Variants in C2orf49 observed in about 807,000 individuals in gnomAD.
The protein encoded by C2orf49 is tRNA-splicing ligase complex subunit ASW.
A neutral mutation model predicts 20.6 loss-of-function variants in C2orf49; 11 were observed. The observed-to-expected ratio is 0.53, with a 90% CI of 0.34 to 0.88. The LOEUF (loss-of-function observed/expected upper bound fraction) is 0.88. C2orf49 is among the 40% of genes least tolerant of loss of function. C2orf49 has a pLI of 0.02. For missense variants in C2orf49, 289 were observed against 274.2 expected (o/e 1.05, Z -0.38); for synonymous variants, 134 against 108.5 (o/e 1.24, Z -1.46).
At chr2:105,343,977 C>G (rs1272535060) in intron 3 of C2orf49, among the ~76,000 whole-genome samples, 1 of 151,800 alleles carries the variant, frequency 6.6e-6, no homozygotes, top group African/African-American at 2.4e-5. Context: ...AATCATGTAT[C>G]AAAGGGATCA....
chr2:105,356,206 C>G, the C2orf49 span, among the ~76,000 whole-genome samples: 1 of 152,114 alleles, frequency 6.6e-6, no homozygotes, highest in East Asian at 1.9e-4. Flanking sequence ...GCCTGGCCAA[C>G]GTGGTGAAAC....
the C2orf49 span, chr2:105,373,654 G>C: frequency 2.5e-6 from 4 of 1,614,052 alleles, no homozygotes; most frequent in African/African-American, 5.3e-5. Context: ...GGCAGCAAAG[G>C]GCTTGTCCAC....
At chr2:105,377,836 G>A in the C2orf49 span, 2 of 347,570 alleles carry the variant, frequency 5.8e-6, no homozygotes, top group African/African-American at 2.1e-5. Context: ...CAGGGAGAGG[G>A]GAGGAGATCC....
At chr2:105,363,776 G>A in the C2orf49 span, among the ~76,000 whole-genome samples, 1 of 152,320 alleles carries the variant, frequency 6.6e-6, no homozygotes, top group African/African-American at 2.4e-5. Flanking sequence ...TTTCTGAGCA[G>A]GGAAGCAGCA....
At chr2:105,354,958 A>C in the C2orf49 span, among the ~76,000 whole-genome samples, 1 of 152,214 alleles carries the variant, frequency 6.6e-6, no homozygotes, top group Non-Finnish European at 1.5e-5. Flanking sequence ...TCAAACATAA[A>C]AGCACAGAAG....
chr2:105,379,987 C>T, the C2orf49 span, among the ~76,000 whole-genome samples: 8 of 152,162 alleles, frequency 5.3e-5, no homozygotes, highest in South Asian at 8.3e-4. Flanking sequence ...CTGAATGGGG[C>T]GCCCAGTTTG....
chr2:105,369,135 C>T, the C2orf49 span, among the ~76,000 whole-genome samples: 3 of 152,114 alleles, frequency 2.0e-5, no homozygotes, highest in African/African-American at 7.2e-5. Flanking sequence ...GTTGCCAATC[C>T]CTGGGGACTG....
the C2orf49 span, among the ~76,000 whole-genome samples, chr2:105,384,963 A>G: frequency 2.0e-5 from 3 of 152,236 alleles, no homozygotes; most frequent in Admixed American, 2.0e-4. Context: ...ATGAAAAGGG[A>G]CAGAGAAAAG....
the C2orf49 span, among the ~76,000 whole-genome samples, chr2:105,354,685 AAG>A: frequency 6.6e-6 from 1 of 152,162 alleles, no homozygotes; most frequent in African/African-American, 2.4e-5. Context: ...AAAATTAAAA[AAG>A]AATTTTATAA....
chr2:105,344,442 G>GAT (rs556996803), intron 3 of C2orf49, among the ~76,000 whole-genome samples: 2,395 of 150,548 alleles, frequency 0.016, 32 homozygotes, highest in South Asian at 0.029. Context: ...ATAGATATGA[G>GAT]ATATATATAT....
At chr2:105,382,777 C>A in the C2orf49 span, among the ~76,000 whole-genome samples, 1 of 152,162 alleles carries the variant, frequency 6.6e-6, no homozygotes, top group Non-Finnish European at 1.5e-5. Context: ...CTTGCAGACC[C>A]ATGGAACATT....
chr2:105,351,086 A>G (rs1679919608), downstream of C2orf49, among the ~76,000 whole-genome samples: 1 of 152,032 alleles, frequency 6.6e-6, no homozygotes, highest in African/African-American at 2.4e-5. Context: ...ATGTTCCTCA[A>G]TTGGGATTTT....
chr2:105,361,328 T>A, the C2orf49 span: 1 of 1,614,136 alleles, frequency 6.2e-7, no homozygotes, highest in Non-Finnish European at 8.5e-7. Flanking sequence ...CGTCCCTCTC[T>A]GTGAGGAAGC....
chr2:105,367,429 G>T, the C2orf49 span: 1 of 787,666 alleles, frequency 1.3e-6, no homozygotes, highest in Non-Finnish European at 2.0e-6. Context: ...TAAATGCTCA[G>T]AATGTAAGGC....
chr2:105,338,050 C>T (rs1202620021), intron 1 of C2orf49, among the ~76,000 whole-genome samples: 1 of 152,178 alleles, frequency 6.6e-6, no homozygotes, highest in Non-Finnish European at 1.5e-5. Flanking sequence ...GACTGGAAAG[C>T]ATCTGAGAAA....
chr2:105,368,936 T>C, the C2orf49 span, among the ~76,000 whole-genome samples: 4 of 152,356 alleles, frequency 2.6e-5, no homozygotes, highest in African/African-American at 9.6e-5. Flanking sequence ...AATGAAGTTT[T>C]ATTGGAACAC....
At chr2:105,368,188 AGT>A in the C2orf49 span, among the ~76,000 whole-genome samples, 175 of 152,202 alleles carry the variant, frequency 1.1e-3, no homozygotes, top group Non-Finnish European at 2.1e-3. Context: ...AAATGGCTAG[AGT>A]GTGAATGAAC....
chr2:105,339,787 A>G lies in C2orf49; in HGVS notation c.266+38A>G, dbSNP rs185242233. The G allele has an allele frequency of 2.3e-5, 34 of 1,499,876 alleles. No individual in the cohort carries two copies. In the Admixed American group the frequency reaches 8.3e-4, roughly 36 times the overall value. The allele number at this position is 1,499,876 out of a possible 1,614,324, so 92.9% of individuals were successfully genotyped here. A position where few individuals can be genotyped will look rare whatever the true frequency, so the allele number is the denominator to read the frequency against. On this transcript the variant is annotated intron_variant, in intron 2 of 3. Transcript: ENST00000258457. ...GGTTCTAGCTTTCAATTTATCTTAT[A>G]TAACTAAAGTTATATATAAGTTATT... is the stretch of plus-strand genomic sequence containing the variant.
the C2orf49 span, among the ~76,000 whole-genome samples, chr2:105,370,207 T>TA: frequency 6.6e-6 from 1 of 151,790 alleles, no homozygotes; most frequent in Non-Finnish European, 1.5e-5. Context: ...TCCCTGTCTC[T>TA]ACCCCCCCAA....
Sources: allele counts gnomAD v4.1 joint callset (sites outside exome capture counted in the v4.1 genomes callset), GRCh38; gene constraint gnomAD v4.1.1; transcripts MANE v1.5; gene names NCBI Gene and HGNC (gene_info 2026-07-23, HGNC 2026-07-21).